Variants in FBF1 observed in about 807,000 individuals in gnomAD.
FBF1 encodes the protein fas-binding factor 1.
Under a neutral mutation model 147.2 loss-of-function variants are expected in FBF1, and 119 were observed. The observed-to-expected ratio is 0.81, with a 90% CI of 0.70 to 0.94. The LOEUF is 0.94. Among genes scored for constraint, FBF1 ranks in the 40% least tolerant of loss-of-function variants. The pLI is 0.00. For synonymous variants in FBF1, 601 were observed against 609.0 expected (o/e 0.99, Z 0.19); for missense variants, 1,449 against 1,500.8 (o/e 0.97, Z 0.57).
At position 75,918,805 on chromosome 17, in the gene FBF1, CTTTT is replaced by C. The variant is rs548891338; in HGVS notation, c.2139-540_2139-537del. Among the ~76,000 whole-genome samples, 12 of 131,726 alleles carry C rather than the reference CTTTT, an allele frequency of 9.1e-5. No individual in the cohort carries two copies. The highest frequency in any genetic ancestry group is 1.5e-4 in the Non-Finnish European group (9 of 60,298). 86.4% of individuals were successfully genotyped at this position (131,726 alleles called of 152,430 possible). On this transcript the variant is annotated intron_variant, in intron 20 of 29. Coordinates refer to ENST00000636174, the MANE Select transcript of FBF1 (RefSeq NM_001319193.2). The surrounding 1 kb of genome is among the most constrained non-coding windows in gnomAD (Gnocchi z 5.8). ...CCACGCCCGGCCCCAAGCAGTCTTT[CTTTT>C]TTTTTTTTTTTTTCCTAGAGATGAG... is the stretch of plus-strand genomic sequence containing the variant.
At chr17:75,916,246 G>A (rs551653372) in intron 23 of FBF1, among the ~76,000 whole-genome samples, 45 of 152,194 alleles carry the variant, frequency 3.0e-4, no homozygotes, top group Non-Finnish European at 3.4e-4. Context: ...CTTGAGCCCA[G>A]GAGGTTCAAG....
chr17:75,911,978 A>G (rs757597170), intron 29 of FBF1, among the ~76,000 whole-genome samples: 6 of 152,200 alleles, frequency 3.9e-5, no homozygotes, highest in African/African-American at 4.8e-5. Context: ...ATAGGTTATC[A>G]TGAGGTTTAA....
At chr17:75,935,217 C>T (rs1288712669) in intron 4 of FBF1, among the ~76,000 whole-genome samples, 5 of 149,638 alleles carry the variant, frequency 3.3e-5, no homozygotes, top group Admixed American at 2.7e-4. Flanking sequence ...CAGGCTGGAG[C>T]GCAGTGGTGC....
chr17:75,920,666 A>G (rs1242856424), intron 17 of FBF1, among the ~76,000 whole-genome samples: 1 of 152,172 alleles, frequency 6.6e-6, no homozygotes, highest in African/African-American at 2.4e-5. Flanking sequence ...CTTCCTCCCC[A>G]GCATGGTCTC....
At position 75,920,098 on chromosome 17, in the gene FBF1, G is replaced by C. The variant is rs904115600; in HGVS notation, c.1840C>G (p.Leu614Val). 1 of 1,584,954 alleles carries C rather than the reference G, an allele frequency of 6.3e-7. No homozygotes were observed. Among genetic ancestry groups the C allele is most frequent in the Non-Finnish European group, 8.6e-7 (1 of 1,166,362 alleles). Reference protein sequence around the residue: ...LAELEAQVRKLELERAQHELL... With the variant: ...LAELEAQVRKVELERAQHELL... ...TCATGCTGGGCCCGTTCTAGCTCCAGCTTCCGCACCTGGGAGACAGCAGGA... is the reference window on the plus strand; with the variant it reads ...TCATGCTGGGCCCGTTCTAGCTCCACCTTCCGCACCTGGGAGACAGCAGGA... Residue 614 changes from leucine (L) to valine (V), a missense_variant, in exon 19 of 30, where the codon CTG (leucine) becomes GTG (valine). By Grantham distance (32) the Leu-to-Val change is conservative (BLOSUM62 1). Transcript: ENST00000636174.
At chr17:75,932,851 A>G (rs1798624763) in intron 5 of FBF1, 144 bp downstream of exon 5, 4 of 525,360 alleles carry the variant, frequency 7.6e-6, no homozygotes, top group African/African-American at 1.9e-5. Context: ...GTGCCACTGC[A>G]CTCCAGCCTC....
rs553513805 is a variant in FBF1 at position 75,922,665 on chromosome 17, C to T, written c.1424+521G>A. On this transcript the variant is annotated intron_variant, in intron 14 of 29. Transcript: ENST00000636174. The surrounding 1 kb of genome is among the most constrained non-coding windows in gnomAD (Gnocchi z 5.0). ...CAGCCTGCTGGCCCCTTGTGCCTTC[C>T]TGCCTTCAGAGGTCACTCGCTATCC... Among the ~76,000 whole-genome samples the T allele has an allele frequency of 6.6e-6, 1 of 152,344 alleles. No individual in the cohort carries two copies. Among genetic ancestry groups the T allele is most frequent in the East Asian group, 1.9e-4 (1 of 5,180 alleles).
chr17:75,930,038 T>C lies in FBF1; in HGVS notation c.238A>G (p.Ile80Val), dbSNP rs766190975. ...LEEADAEVSG[I>V]SEADPQALLQ... ...AGAGCCTGTGGGTCTGCCTCTGAGA[T>C]ACCTGAAACCTAAGTCCACAATGAG... is the stretch of plus-strand genomic sequence containing the variant. The change falls in exon 7 of 30, where the codon ATC becomes GTC. Residue 80 changes from isoleucine (I) to valine (V), a missense_variant. Transcript: ENST00000636174. The C allele has an allele frequency of 1.3e-5, 20 of 1,520,192 alleles. No individual in the cohort carries two copies. The highest frequency in any genetic ancestry group is 2.3e-4 in the Middle Eastern group (1 of 4,356). The allele number at this position is 1,520,192 out of a possible 1,614,324, so 94.2% of individuals were successfully genotyped here.
At chr17:75,929,964 C>CCCCCCCCCCCCAA in intron 7 of FBF1, 33 bp downstream of exon 7, 1 of 1,402,202 alleles carries the variant, frequency 7.1e-7, no homozygotes, top group South Asian at 1.2e-5. Flanking sequence ...CACCCACCCC[C>CCCCCCCCCCCCAA]AGTTCTAAGA....
At position 75,936,213 on chromosome 17, in the gene FBF1, C is replaced by T. The variant is rs1457675228; in HGVS notation, c.32-540G>A. 3.3e-5 allele frequency among the ~76,000 whole-genome samples: 5 copies of T among 151,766 alleles called. No homozygotes were observed. The East Asian group carries it at 7.7e-4, about 23-fold the overall frequency. On this transcript the variant is annotated intron_variant, in intron 3 of 29. Coordinates refer to ENST00000636174, the MANE Select transcript of FBF1 (RefSeq NM_001319193.2). The stretch of plus-strand genomic sequence containing the variant: ...CCTGTAGTCCCAGGTACTCGGGAGG[C>T]TGAGGCAGAAGAATCACTTGAACCC...
chr17:75,926,146 G>A lies in FBF1; in HGVS notation c.752C>T (p.Ala251Val). ...QIGDQEGPRP[A>V]RSTLDELLGR... Reference sequence around the variant, plus strand: ...CAGCAGCTCATCCAGCGTGGAGCGAGCAGGGCGAGGCCCTTCCCTGCAGGA... The same window carrying A: ...CAGCAGCTCATCCAGCGTGGAGCGAACAGGGCGAGGCCCTTCCCTGCAGGA... The change falls in exon 12 of 30, where the codon GCT becomes GTT. Residue 251 changes from alanine to valine, a missense_variant. Physicochemically the swap from Ala to Val is moderately conservative, Grantham distance 64. Transcript: ENST00000636174. 4 of 1,608,648 alleles carry A rather than the reference G, an allele frequency of 2.5e-6. No homozygotes were observed. The highest frequency in any genetic ancestry group is 3.4e-6 in the Non-Finnish European group (4 of 1,178,248).
In FBF1 at chr17:75,926,067, C is replaced by T. The variant is rs781457285; in HGVS notation, c.831G>A (p.Arg277=). The change falls in exon 12 of 30, where the codon AGG becomes AGA. Residue 277 remains arginine (R), a synonymous_variant. Coordinates refer to ENST00000636174, the MANE Select transcript of FBF1 (RefSeq NM_001319193.2). ...GGTACTTCTTGTCTAGCTTGAACTC[C>T]CTGTGCTCCCCGGTGCCCGGGCGGG... ...LLARPGTGEH[R]EFKLDKKYQR... The T allele has an allele frequency of 1.2e-6, 2 of 1,612,564 alleles. No individual in the cohort carries two copies. Among genetic ancestry groups the T allele is most frequent in the Non-Finnish European group, 1.7e-6 (2 of 1,179,862 alleles).
rs1204222531 is a variant in FBF1, at chr17:75,923,630, G to A, written c.980C>T (p.Ala327Val). The change falls in exon 14 of 30, where the codon GCA becomes GTA. Residue 327 changes from alanine to valine, a missense_variant. Physicochemically the swap from Ala to Val is moderately conservative, Grantham distance 64. Coordinates refer to ENST00000636174, the MANE Select transcript of FBF1 (RefSeq NM_001319193.2). The surrounding 1 kb of genome is among the most constrained non-coding windows in gnomAD (Gnocchi z 4.1). ...TCCCTTGGGGTCTGCGCCACTGTCTGCGAAGAACCTACTTCAAGACAGAAA... is the reference window on the plus strand; with the variant it reads ...TCCCTTGGGGTCTGCGCCACTGTCTACGAAGAACCTACTTCAAGACAGAAA... ...SRRQSVSRFF[A>V]DSGADPKGEP... is the part of the protein sequence containing the mutation. 1.2e-6 allele frequency: 2 copies of A among 1,602,986 alleles called. No individual in the cohort carries two copies. The highest frequency in any genetic ancestry group is 1.1e-5 in the South Asian group (1 of 89,294).
intron 5 of FBF1, among the ~76,000 whole-genome samples, chr17:75,931,702 T>C (rs763652645): frequency 1.3e-5 from 2 of 151,722 alleles, no homozygotes; most frequent in Non-Finnish European, 2.9e-5. Flanking sequence ...GAGAATCACT[T>C]GAACCGGGAG....
rs768645888 is a variant in FBF1, at chr17:75,928,072, C to A, written c.397+4G>T. On this transcript the variant is annotated splice_donor_region_variant and intron_variant, in intron 8 of 29. Transcript: ENST00000636174. The surrounding 1 kb of genome is among the most constrained non-coding windows in gnomAD (Gnocchi z 4.2). ...TGCACCTTTCTCACTGGCTACTGAC[C>A]CACCTGCAGGCTTGGGGTGGTTGGG... 2 of 1,612,566 alleles carry A rather than the reference C, an allele frequency of 1.2e-6. No homozygotes were observed. Among genetic ancestry groups the A allele is most frequent in the South Asian group, 2.2e-5 (2 of 91,008 alleles).
chr17:75,926,577 C>T (rs955604152), intron 10 of FBF1, among the ~76,000 whole-genome samples, 151 bp from the exon 11 acceptor site: 2 of 152,212 alleles, frequency 1.3e-5, no homozygotes, highest in Non-Finnish European at 2.9e-5. Flanking sequence ...TTCCTCCAGC[C>T]TACTCCCAGA....
chr17:75,919,589 C>A lies in FBF1; in HGVS notation c.2138+79G>T. On this transcript the variant is annotated intron_variant, in intron 20 of 29. Transcript: ENST00000636174. This position sits in a 1 kb window ranked among gnomAD's most constrained non-coding sequence, Gnocchi z 5.0. ...CTGTCCAAAGGCTGCTGAGCCACAG[C>A]GAAGGGTCTCGTGGGGATGGCTCTC... 1 of 1,478,396 alleles carries A rather than the reference C, an allele frequency of 6.8e-7. No individual in the cohort carries two copies. Among genetic ancestry groups the A allele is most frequent in the Non-Finnish European group, 9.1e-7 (1 of 1,097,594 alleles). The allele number at this position is 1,478,396 out of a possible 1,614,324, so 91.6% of individuals were successfully genotyped here. A position where few individuals can be genotyped will look rare whatever the true frequency, so the allele number is the denominator to read the frequency against.
At position 75,913,703 on chromosome 17, in the gene FBF1, A is replaced by T; in HGVS notation, c.3246T>A (p.Ser1082Arg). ...GCCCTTCCTTCTGGAGCCACTCACC[A>T]CTCTGGCTGGAGGCTGCAGGGCCCT... is the stretch of plus-strand genomic sequence containing the variant. ...RAQGPAASSQ[S>R]ALMPPAPTTR... is the part of the protein sequence containing the mutation. The change falls in exon 28 of 30, where the codon AGT (serine) becomes AGA (arginine). Residue 1082 changes from serine (S) to arginine (R), a missense_variant and splice_region_variant. Physicochemically the swap from Ser to Arg is moderately radical, Grantham distance 110. Transcript: ENST00000636174. The T allele has an allele frequency of 1.3e-6, 2 of 1,591,320 alleles. No individual in the cohort carries two copies. The highest frequency in any genetic ancestry group is 1.7e-6 in the Non-Finnish European group (2 of 1,176,336).
In FBF1 at chr17:75,923,041, A is replaced by C. The variant is rs1399071243; in HGVS notation, c.1424+145T>G. ...GCAGTGCCTAAAAGGCAGAGTAGCA[A>C]AGCCAAGAAGCGGCCTCTGTGGCCA... On this transcript the variant is annotated intron_variant, in intron 14 of 29. Coordinates refer to ENST00000636174, the MANE Select transcript of FBF1 (RefSeq NM_001319193.2). This position sits in a 1 kb window ranked among gnomAD's most constrained non-coding sequence, Gnocchi z 4.1. The C allele has an allele frequency of 1.2e-6, 1 of 800,670 alleles. No individual in the cohort carries two copies. The highest frequency in any genetic ancestry group is 2.0e-6 in the Non-Finnish European group (1 of 510,416). The allele number at this position is 800,670 out of a possible 1,614,324, so 49.6% of individuals were successfully genotyped here.
Sources: allele counts gnomAD v4.1 joint callset (sites outside exome capture counted in the v4.1 genomes callset), GRCh38; gene constraint gnomAD v4.1.1; non-coding constraint Gnocchi (gnomAD v3.1); transcripts MANE v1.5; gene names NCBI Gene and HGNC (gene_info 2026-07-23, HGNC 2026-07-21).